Variants in APBB2 observed in about 807,000 individuals in gnomAD.
APBB2 encodes the protein Fe65-like 1.
In APBB2, 38 loss-of-function variants were observed where a neutral mutation model predicts 82.5. The ratio of observed to expected loss-of-function variants is 0.46; its 90% confidence interval spans 0.36 to 0.60. The LOEUF is 0.60. Ranked by LOEUF, APBB2 falls within the 20% of genes least tolerant of loss-of-function variation. The pLI, the probability that APBB2 is intolerant of heterozygous loss-of-function variation, is 0.00. For missense variants in APBB2, 772 were observed against 972.3 expected, an observed-to-expected ratio of 0.79 and a Z score of 2.74; for synonymous variants, 341 against 368.2, an observed-to-expected ratio of 0.93 and a Z score of 0.85.
At chr4:40,855,275 A>C (rs1335485879) in intron 12 of APBB2, among the ~76,000 whole-genome samples, 1 of 152,234 alleles carries the variant, frequency 6.6e-6, no homozygotes, top group African/African-American at 2.4e-5. Flanking sequence ...GGAAGAAGAC[A>C]CCTGTTGTAT....
At position 41,080,473 on chromosome 4, in the gene APBB2, T is replaced by C. The variant is rs1359646913; in HGVS notation, c.-148-14800A>G. ...CTCTGAAAACTGAGGACGGCTTTCA[T>C]GACAAAGAAGTAACCTTTTGTTAGC... On this transcript the variant is annotated intron_variant, in intron 3 of 17. Transcript: ENST00000508593. Among the ~76,000 whole-genome samples, 3 of 152,284 alleles carry C rather than the reference T, an allele frequency of 2.0e-5. No individual in the cohort carries two copies. In the East Asian group the frequency reaches 5.8e-4, roughly 29 times the overall value.
intron 6 of APBB2, among the ~76,000 whole-genome samples, chr4:40,949,658 G>A (rs1789529369): frequency 6.6e-6 from 1 of 152,032 alleles, no homozygotes; most frequent in Admixed American, 6.6e-5. Flanking sequence ...GCGATTTGAG[G>A]AGAAAGTTTC....
At chr4:40,938,712 G>A (rs1462168415) in intron 7 of APBB2, among the ~76,000 whole-genome samples, 2 of 152,188 alleles carry the variant, frequency 1.3e-5, no homozygotes, top group Non-Finnish European at 2.9e-5. Context: ...GGTTGAACCT[G>A]CTGAGAACTG....
chr4:41,178,073 A>C (rs529270377), intron 1 of APBB2, among the ~76,000 whole-genome samples: 19 of 152,340 alleles, frequency 1.2e-4, no homozygotes, highest in African/African-American at 3.8e-4. Flanking sequence ...CTTTATGCTA[A>C]ACAACTTCAT....
chr4:41,118,401 A>G (rs897353117), intron 2 of APBB2, among the ~76,000 whole-genome samples: 17 of 152,106 alleles, frequency 1.1e-4, no homozygotes, highest in African/African-American at 3.6e-4. Flanking sequence ...TTCCTCATCT[A>G]TAAAATGATG....
intron 6 of APBB2, among the ~76,000 whole-genome samples, chr4:40,977,715 A>AT (rs1729093249): frequency 2.0e-5 from 3 of 152,234 alleles, no homozygotes; most frequent in Admixed American, 2.0e-4. Flanking sequence ...CATGGTGTAC[A>AT]TACAGACTGA....
At chr4:41,004,500 C>T (rs1806129701) in intron 6 of APBB2, among the ~76,000 whole-genome samples, 1 of 152,068 alleles carries the variant, frequency 6.6e-6, no homozygotes, top group Non-Finnish European at 1.5e-5. Context: ...TAATCTATTT[C>T]TATGTCTCAG....
At chr4:41,064,153 T>C (rs956573167) in intron 4 of APBB2, among the ~76,000 whole-genome samples, 1 of 152,004 alleles carries the variant, frequency 6.6e-6, no homozygotes, top group Non-Finnish European at 1.5e-5. Context: ...TAATTTTTTG[T>C]ATTTTTAGTA....
At chr4:41,101,061 T>C (rs1347874597) in intron 2 of APBB2, among the ~76,000 whole-genome samples, 5 of 152,206 alleles carry the variant, frequency 3.3e-5, no homozygotes, top group African/African-American at 1.2e-4. Context: ...AGGGAGAATC[T>C]GGACTTCTAA....
At chr4:40,864,232 G>A (rs562793416) in intron 12 of APBB2, among the ~76,000 whole-genome samples, 2 of 150,524 alleles carry the variant, frequency 1.3e-5, no homozygotes, top group Non-Finnish European at 3.0e-5. Flanking sequence ...CCAGCCTGGC[G>A]ACAGAGTGAG....
At chr4:41,181,172 C>T (rs934124075) in intron 1 of APBB2, among the ~76,000 whole-genome samples, 5 of 151,710 alleles carry the variant, frequency 3.3e-5, no homozygotes, top group Admixed American at 2.0e-4. Flanking sequence ...CCTTCACCCA[C>T]ATTCAATTCC....
At chr4:41,023,243 T>TG (rs1393126274) in intron 5 of APBB2, among the ~76,000 whole-genome samples, 4 of 152,280 alleles carry the variant, frequency 2.6e-5, no homozygotes, top group Non-Finnish European at 5.9e-5. Flanking sequence ...TTGTTAAATA[T>TG]GGGGGGCATG....
intron 1 of APBB2, among the ~76,000 whole-genome samples, chr4:41,169,432 G>C (rs1302377423): frequency 6.6e-6 from 1 of 152,090 alleles, no homozygotes; most frequent in Non-Finnish European, 1.5e-5. Flanking sequence ...CACCTGGAAG[G>C]TTTCCTTCCT....
At chr4:41,077,732 T>C (rs1332926261) in intron 3 of APBB2, among the ~76,000 whole-genome samples, 1 of 152,094 alleles carries the variant, frequency 6.6e-6, no homozygotes, top group Non-Finnish European at 1.5e-5. Flanking sequence ...AGCCAGGCAA[T>C]GTGCCTCCCC....
Position 40,975,790 on chromosome 4 carries a change from A to AC in APBB2, c.836-30718_836-30717insG, listed in dbSNP as rs1553889948. 2.9e-4 allele frequency among the ~76,000 whole-genome samples: 40 copies of AC among 139,820 alleles called. 1 individual carries two copies. Among genetic ancestry groups the AC allele is most frequent in the East Asian group, 2.4e-3 (12 of 4,898 alleles). 91.7% of individuals were successfully genotyped at this position (139,820 alleles called of 152,430 possible). On this transcript the variant is annotated intron_variant, in intron 6 of 17. Coordinates refer to ENST00000508593, the MANE Select transcript of APBB2 (RefSeq NM_004307.2). Reference sequence around the variant, plus strand: ...CACACACACACACACACACACACACAACAACCACTCTACTTTCCCCTATAT... The same window carrying AC: ...CACACACACACACACACACACACACACACAACCACTCTACTTTCCCCTATAT...
chr4:41,202,877 G>T (rs576040133), intron 1 of APBB2, among the ~76,000 whole-genome samples: 1 of 152,158 alleles, frequency 6.6e-6, no homozygotes, highest in South Asian at 2.1e-4. Flanking sequence ...GTAGGCAAAC[G>T]TTCAAACCTT....
intron 10 of APBB2, among the ~76,000 whole-genome samples, chr4:40,917,019 T>C (rs946573514): frequency 6.6e-6 from 1 of 152,176 alleles, no homozygotes; most frequent in African/African-American, 2.4e-5. Flanking sequence ...CTTCCTCAAG[T>C]GGCCAGGGCT....
At chr4:41,206,035 T>A (rs1414016004) in intron 1 of APBB2, among the ~76,000 whole-genome samples, 1 of 152,126 alleles carries the variant, frequency 6.6e-6, no homozygotes, top group African/African-American at 2.4e-5. Context: ...CCAGTAGTTA[T>A]CCCTCCACAG....
At chr4:41,153,157 CT>C (rs1762683624) in intron 1 of APBB2, among the ~76,000 whole-genome samples, 1 of 152,116 alleles carries the variant, frequency 6.6e-6, no homozygotes, top group African/African-American at 2.4e-5. Flanking sequence ...TTCAGGTAAC[CT>C]ATCTTTTGTG....
Sources: allele counts gnomAD v4.1 joint callset (sites outside exome capture counted in the v4.1 genomes callset), GRCh38; gene constraint gnomAD v4.1.1; transcripts MANE v1.5; gene names NCBI Gene and HGNC (gene_info 2026-07-23, HGNC 2026-07-21).